The following KCNH1 variants were observed in gnomAD, a reference collection of about 807,000 sequenced individuals.
The protein encoded by KCNH1 is potassium voltage-gated channel subfamily H member 1.
In KCNH1, 27 loss-of-function variants were observed where a neutral mutation model predicts 69.2. The ratio of observed to expected loss-of-function variants is 0.39; its 90% CI spans 0.29 to 0.54. KCNH1 has a LOEUF of 0.54. Ranked by LOEUF, KCNH1 falls within the 20% of genes least tolerant of loss-of-function variation. The pLI is 0.68. For synonymous variants in KCNH1, 456 were observed against 487.7 expected, an observed-to-expected ratio of 0.93 and a Z score of 0.86; for missense variants, 798 against 1,261.6, an observed-to-expected ratio of 0.63 and a Z score of 5.57.
At chr1:210,931,053 T>C (rs549263351) in intron 6 of KCNH1, among the ~76,000 whole-genome samples, 72 of 152,316 alleles carry the variant, frequency 4.7e-4, no homozygotes, top group Non-Finnish European at 8.4e-4. Flanking sequence ...GGAACACTTT[T>C]ACACTGTTGG....
At chr1:211,033,678 A>C (rs970265520) in intron 5 of KCNH1, among the ~76,000 whole-genome samples, 1 of 151,696 alleles carries the variant, frequency 6.6e-6, no homozygotes, top group Non-Finnish European at 1.5e-5. Context: ...AAAACAGAAC[A>C]CCGCATATTC....
At chr1:211,122,872 G>A (rs570497970) in intron 1 of KCNH1, among the ~76,000 whole-genome samples, 94 of 152,136 alleles carry the variant, frequency 6.2e-4, no homozygotes, top group African/African-American at 2.3e-3. Context: ...GTCGATAGGT[G>A]CAGCAAACCA....
chr1:211,085,381 C>G (rs1234293298), intron 4 of KCNH1, among the ~76,000 whole-genome samples: 1 of 151,532 alleles, frequency 6.6e-6, no homozygotes, highest in Non-Finnish European at 1.5e-5. Flanking sequence ...ATCCTGAAAC[C>G]CACTGAGAGC....
At chr1:210,840,871 T>A (rs963211145) in intron 7 of KCNH1, among the ~76,000 whole-genome samples, 2 of 152,136 alleles carry the variant, frequency 1.3e-5, no homozygotes, top group African/African-American at 4.8e-5. Context: ...GGAGGAATGA[T>A]GGTATAGTTT....
chr1:211,131,120 G>A (rs1220423525), intron 1 of KCNH1, among the ~76,000 whole-genome samples: 1 of 152,010 alleles, frequency 6.6e-6, no homozygotes, highest in African/African-American at 2.4e-5. Flanking sequence ...AAATATTTGA[G>A]GAAAGCCTCT....
chr1:210,966,695 T>A (rs901761850), intron 6 of KCNH1, among the ~76,000 whole-genome samples: 19 of 152,122 alleles, frequency 1.2e-4, no homozygotes, highest in Non-Finnish European at 2.4e-4. Flanking sequence ...AGAATGGCAA[T>A]CATTAAAAAG....
intron 9 of KCNH1, among the ~76,000 whole-genome samples, chr1:210,782,256 C>G (rs1684001418): frequency 6.6e-6 from 1 of 152,140 alleles, no homozygotes; most frequent in Non-Finnish European, 1.5e-5. Flanking sequence ...CTCTCCCAGC[C>G]TCAGTTTACT....
At chr1:210,747,632 C>A (rs1340400250) in intron 10 of KCNH1, among the ~76,000 whole-genome samples, 1 of 107,666 alleles carries the variant, frequency 9.3e-6, no homozygotes, top group Non-Finnish European at 2.0e-5. Flanking sequence ...ATTCCTTTAT[C>A]TTTCACATGC....
intron 7 of KCNH1, among the ~76,000 whole-genome samples, chr1:210,814,296 C>G (rs1386041933): frequency 6.6e-6 from 1 of 151,964 alleles, no homozygotes; most frequent in African/African-American, 2.4e-5. Context: ...AAATAATTAC[C>G]TTATATTTTT....
In KCNH1 at chr1:210,861,930, T is replaced by A; in HGVS notation, c.1462+57710A>T. ...CAGTCCAGCAGCTTGGATAATCACG[T>A]TTGGTGATGTGATGAATGCATGTAG... On this transcript the variant is annotated intron_variant, in intron 7 of 10. Transcript: ENST00000271751. The A allele has an allele frequency of 1.0e-5, 8 of 766,218 alleles. 1 individual carries two copies. The highest frequency in any genetic ancestry group is 9.9e-5 in the South Asian group (7 of 70,800). The allele number at this position is 766,218 out of a possible 1,614,324, so 47.5% of individuals were successfully genotyped here.
chr1:211,104,751 A>G (rs946273837), intron 2 of KCNH1, among the ~76,000 whole-genome samples: 3 of 152,244 alleles, frequency 2.0e-5, no homozygotes, highest in Non-Finnish European at 4.4e-5. Context: ...AAAGAGCAGC[A>G]ATGATCACTC....
At chr1:211,045,041 G>GATATATAGATATATATATATATATAGAT (rs1164564038) in intron 5 of KCNH1, among the ~76,000 whole-genome samples, 1 of 81,718 alleles carries the variant, frequency 1.2e-5, no homozygotes. Context: ...AATTGTGGGG[G>GATATATAGATATATATATATATATAGAT]ATATATATAT....
intron 10 of KCNH1, among the ~76,000 whole-genome samples, chr1:210,697,450 C>T (rs1681669485): frequency 6.6e-6 from 1 of 152,236 alleles, no homozygotes; most frequent in Admixed American, 6.5e-5. Flanking sequence ...CAACTTTTCC[C>T]TCAGGAGTCT....
At chr1:211,121,941 C>T (rs1691693412) in intron 1 of KCNH1, among the ~76,000 whole-genome samples, 2 of 152,140 alleles carry the variant, frequency 1.3e-5, no homozygotes, top group Admixed American at 1.3e-4. Flanking sequence ...CGAGACCATC[C>T]TGGCTAACAC....
intron 5 of KCNH1, among the ~76,000 whole-genome samples, chr1:211,028,988 T>C (rs1199768857): frequency 1.3e-5 from 2 of 151,876 alleles, no homozygotes; most frequent in Non-Finnish European, 2.9e-5. Context: ...CTCTCATAAA[T>C]ATAGATGCAA....
At chr1:211,091,094 C>G (rs1691043046) in intron 3 of KCNH1, among the ~76,000 whole-genome samples, 1 of 152,206 alleles carries the variant, frequency 6.6e-6, no homozygotes, top group African/African-American at 2.4e-5. Flanking sequence ...CATGCCAACT[C>G]AAATTTCAAA....
At chr1:210,810,742 G>A (rs565391331) in intron 7 of KCNH1, among the ~76,000 whole-genome samples, 160 of 152,094 alleles carry the variant, frequency 1.1e-3, no homozygotes, top group African/African-American at 3.8e-3. Flanking sequence ...GGATATCAAT[G>A]ATAAGCCTAT....
At chr1:210,705,942 C>G (rs1033890396) in intron 10 of KCNH1, among the ~76,000 whole-genome samples, 1 of 152,188 alleles carries the variant, frequency 6.6e-6, no homozygotes, top group Non-Finnish European at 1.5e-5. Flanking sequence ...ATGCTAAGAG[C>G]CAGGTGATAT....
At chr1:210,857,326 A>G (rs2102475675) in intron 7 of KCNH1, among the ~76,000 whole-genome samples, 1 of 152,346 alleles carries the variant, frequency 6.6e-6, no homozygotes, top group East Asian at 1.9e-4. Flanking sequence ...GGCACTTTAA[A>G]AATCACATCA....
Sources: gnomAD v4.1 joint callset for allele counts (sites outside exome capture counted in the v4.1 genomes callset) on GRCh38, gnomAD v4.1.1 for gene constraint, MANE v1.5 for transcripts, NCBI Gene and HGNC (gene_info 2026-07-23, HGNC 2026-07-21) for gene names.